The following SLC12A2 variants were observed in gnomAD, a reference collection of about 807,000 sequenced individuals.
SLC12A2 encodes the protein Na-K-2Cl cotransporter 1.
A neutral mutation model predicts 136.3 loss-of-function variants in SLC12A2; 67 were observed. That is an observed-to-expected ratio of 0.49 (90% CI 0.40 to 0.60). The LOEUF is 0.60. SLC12A2 is among the 20% of genes least tolerant of loss of function. The pLI is 0.00. For missense variants in SLC12A2, 1,322 were observed against 1,534.7 expected (o/e 0.86, Z 2.32); for synonymous variants, 619 against 562.9 (o/e 1.10, Z -1.41).
chr5:128,136,572 A>G (rs924629463), intron 7 of SLC12A2, among the ~76,000 whole-genome samples: 2 of 152,056 alleles, frequency 1.3e-5, no homozygotes, highest in Admixed American at 1.3e-4. Context: ...TGGTTAAAAT[A>G]TGTCAGATGG....
chr5:128,183,103 TAAAG>T (rs1165934233), intron 24 of SLC12A2, among the ~76,000 whole-genome samples, 162 bp downstream of exon 24: 2 of 152,058 alleles, frequency 1.3e-5, no homozygotes, highest in Non-Finnish European at 1.5e-5. Flanking sequence ...TATCAGATAT[TAAAG>T]AAAGTCTAAA....
intron 26 of SLC12A2, among the ~76,000 whole-genome samples, 167 bp downstream of exon 26, chr5:128,185,023 G>C (rs1038666507): frequency 6.6e-6 from 1 of 152,044 alleles, no homozygotes; most frequent in Non-Finnish European, 1.5e-5. Context: ...TATGGAGAAA[G>C]ACAAAAACTT....
At position 128,083,866 on chromosome 5, in the gene SLC12A2, G is replaced by A. The variant is rs921595852; in HGVS notation, c.-89G>A. On this transcript the variant is annotated 5_prime_UTR_variant, in exon 1 of 27. Transcript: ENST00000262461. ...GAAAGACTCTCTCACCTGGTCTTGC[G>A]GCTGTGGCCACCGCCGGCCAGGGGT... 1 of 1,007,594 alleles carries A rather than the reference G, an allele frequency of 9.9e-7. No homozygotes were observed. 62.4% of individuals were successfully genotyped at this position (1,007,594 alleles called of 1,614,324 possible).
intron 4 of SLC12A2, among the ~76,000 whole-genome samples, chr5:128,119,541 G>C (rs1018859838): frequency 1.3e-5 from 2 of 152,114 alleles, no homozygotes; most frequent in African/African-American, 4.8e-5. Flanking sequence ...TAGATATGCA[G>C]CATTATTTCT....
chr5:128,131,095 T>A lies in SLC12A2; in HGVS notation c.1077T>A (p.Ser359Arg). 1.2e-6 allele frequency: 2 copies of A among 1,614,000 alleles called. No homozygotes were observed. Among genetic ancestry groups the A allele is most frequent in the Non-Finnish European group, 1.7e-6 (2 of 1,179,868 alleles). Residue 359 changes from serine (S) to arginine (R), a missense_variant, in exon 5 of 27, where the codon AGT (serine) becomes AGA (arginine). By Grantham distance (110) the Ser-to-Arg change is moderately radical (BLOSUM62 -1). Around this residue, in one of 8 missense-constraint regions of SLC12A2, gnomAD observed 71 missense variants for 131.0 expected, o/e 0.54. Transcript: ENST00000262461. ...GAGCATATTATTTAATATCTAGAAG[T>A]CTAGGGCCAGAATTTGGTGGTGCAA... The part of the protein sequence containing the change: ...GGGAYYLISR[S>R]LGPEFGGAIG...
rs139796722 is a variant in SLC12A2 at position 128,187,014 on chromosome 5, T to C, written c.*383T>C. The C allele has an allele frequency of 2.2e-3, 363 of 163,206 alleles. 1 individual carries two copies. Among genetic ancestry groups the C allele is most frequent in the African/African-American group, 7.9e-3 (330 of 41,572 alleles). 10.1% of individuals were successfully genotyped at this position (163,206 alleles called of 1,614,324 possible). A position where few individuals can be genotyped will look rare whatever the true frequency, so the allele number is the denominator to read the frequency against. On this transcript the variant is annotated 3_prime_UTR_variant, in exon 27 of 27. Transcript: ENST00000262461. ...CCATATATCCTCTTTTATAAACTTATAGAATGTCAAACTTTGCCTTCAACT... is the reference window on the plus strand; with the variant it reads ...CCATATATCCTCTTTTATAAACTTACAGAATGTCAAACTTTGCCTTCAACT...
Position 128,091,134 on chromosome 5 carries a change from A to G in SLC12A2, c.756+6424A>G, listed in dbSNP as rs1305106112. Among the ~76,000 whole-genome samples the G allele has an allele frequency of 3.3e-5, 5 of 152,216 alleles. No homozygotes were observed. In the South Asian group the frequency reaches 8.3e-4, roughly 25 times the overall value. ...TACTAAGGTAGTAGTGATTGATACA[A>G]TGAGAGGTGTTCAGATGCTGGATGT... On this transcript the variant is annotated intron_variant, in intron 1 of 26. Transcript: ENST00000262461.
intron 9 of SLC12A2, among the ~76,000 whole-genome samples, chr5:128,140,252 A>G (rs919799380): frequency 1.3e-5 from 2 of 151,864 alleles, no homozygotes; most frequent in African/African-American, 4.8e-5. Flanking sequence ...ACCTGCCTTA[A>G]CCTCCCCAAG....
chr5:128,132,296 C>T (rs979564170), intron 5 of SLC12A2, among the ~76,000 whole-genome samples: 3 of 151,996 alleles, frequency 2.0e-5, no homozygotes, highest in African/African-American at 7.3e-5. Flanking sequence ...AAAACAGTGA[C>T]TTGTGGAGCG....
chr5:128,145,331 T>C (rs1762500744), intron 10 of SLC12A2, among the ~76,000 whole-genome samples: 1 of 152,118 alleles, frequency 6.6e-6, no homozygotes, highest in South Asian at 2.1e-4. Context: ...TCTTTGTACT[T>C]AATTTAACTT....
At chr5:128,130,900 A>G (rs1428692366) in intron 4 of SLC12A2, among the ~76,000 whole-genome samples, 167 bp from the exon 5 acceptor site, 1 of 152,126 alleles carries the variant, frequency 6.6e-6, no homozygotes, top group Non-Finnish European at 1.5e-5. Context: ...GTTTTGTGAA[A>G]TATTCTTTTT....
chr5:128,124,551 G>A (rs545755324), intron 4 of SLC12A2, among the ~76,000 whole-genome samples: 1 of 152,132 alleles, frequency 6.6e-6, no homozygotes, highest in Admixed American at 6.6e-5. Flanking sequence ...CACAGAAAGA[G>A]CCAAATAAAA....
rs139125269 is a variant in SLC12A2, at chr5:128,087,368, C to T, written c.756+2658C>T. Among the ~76,000 whole-genome samples the T allele has an allele frequency of 8.6e-3, 1,302 of 152,216 alleles. 8 individuals are homozygous for T. Among genetic ancestry groups the T allele is most frequent in the Non-Finnish European group, 0.012 (813 of 68,008 alleles). On this transcript the variant is annotated intron_variant, in intron 1 of 26. Coordinates refer to ENST00000262461, the MANE Select transcript of SLC12A2 (RefSeq NM_001046.3). The stretch of plus-strand genomic sequence containing the variant: ...GACAGACATTAACAAAGTAGTTGGA[C>T]AAATAACATAGTTAATAACTGTTTT...
At chr5:128,146,497 C>T (rs1031384818) in intron 10 of SLC12A2, among the ~76,000 whole-genome samples, 1 of 149,882 alleles carries the variant, frequency 6.7e-6, no homozygotes, top group African/African-American at 2.4e-5. Flanking sequence ...TTTGAATTCA[C>T]CTGAATTCAT....
intron 18 of SLC12A2, chr5:128,171,095 CAAAA>C (rs765159997): frequency 1.3e-4 from 7 of 54,910 alleles, no homozygotes; most frequent in African/African-American, 2.6e-4. Context: ...GACTCTGTCT[CAAAA>C]AAAAAAAAAA....
chr5:128,118,970 G>T (rs1244655109), intron 4 of SLC12A2, among the ~76,000 whole-genome samples: 1 of 152,124 alleles, frequency 6.6e-6, no homozygotes, highest in East Asian at 1.9e-4. Flanking sequence ...AAAAAAGATG[G>T]AGAGGAGAGT....
At position 128,161,991 on chromosome 5, in the gene SLC12A2, T is replaced by G. The variant is rs545547125; in HGVS notation, c.2616+191T>G. Among the ~76,000 whole-genome samples, 7 of 152,322 alleles carry G rather than the reference T, an allele frequency of 4.6e-5. No homozygotes were observed. In the South Asian group the frequency reaches 1.0e-3, roughly 23 times the overall value. Reference sequence around the variant, plus strand: ...AAAGCATGAGACACTGAAAGTAAACTACTTGGATTTGTATAATTCAGAATT... The same window carrying G: ...AAAGCATGAGACACTGAAAGTAAACGACTTGGATTTGTATAATTCAGAATT... On this transcript the variant is annotated intron_variant, in intron 17 of 26. Coordinates refer to ENST00000262461, the MANE Select transcript of SLC12A2 (RefSeq NM_001046.3).
chr5:128,188,583 G>T lies in SLC12A2; in HGVS notation c.*1952G>T, dbSNP rs1459006986. The T allele has an allele frequency of 6.6e-6, 1 of 151,958 alleles. No individual in the cohort carries two copies. The highest frequency in any genetic ancestry group is 1.5e-5 in the Non-Finnish European group (1 of 67,990). The allele number at this position is 151,958 out of a possible 1,614,324, so 9.4% of individuals were successfully genotyped here. On this transcript the variant is annotated 3_prime_UTR_variant, in exon 27 of 27. Coordinates refer to ENST00000262461, the MANE Select transcript of SLC12A2 (RefSeq NM_001046.3). ...GCTGGGATTACAGGTGCGAGCCACT[G>T]CGCCTGGCTGGTTTTCATGAATCTT...
At chr5:128,181,642 T>TA (rs1431863962) in intron 23 of SLC12A2, among the ~76,000 whole-genome samples, 1 of 152,172 alleles carries the variant, frequency 6.6e-6, no homozygotes, top group African/African-American at 2.4e-5. Flanking sequence ...CCAAAATAGT[T>TA]AAACGACTTC....
Sources: allele counts gnomAD v4.1 joint callset (sites outside exome capture counted in the v4.1 genomes callset), GRCh38; gene constraint gnomAD v4.1.1; regional missense constraint gnomAD v4.1.1; transcripts MANE v1.5; gene names NCBI Gene and HGNC (gene_info 2026-07-23, HGNC 2026-07-21).